GRIA1: variants seen among roughly 807,000 people sequenced by gnomAD.
GRIA1 encodes glutamate receptor 1.
Under a neutral mutation model 99.2 loss-of-function variants are expected in GRIA1, and 31 were observed. The observed-to-expected ratio is 0.31, with a 90% CI of 0.23 to 0.42. The LOEUF (loss-of-function observed/expected upper bound fraction) is 0.42. GRIA1 is among the 10% of genes least tolerant of loss of function. The pLI, the probability that GRIA1 is intolerant of heterozygous loss-of-function variation, is 1.00. For missense variants in GRIA1, 782 were observed against 1,157.5 expected (o/e 0.68, Z 4.71); for synonymous variants, 438 against 432.4 (o/e 1.01, Z -0.16).
At chr5:153,716,535 TC>T (rs1184532023) in intron 11 of GRIA1, among the ~76,000 whole-genome samples, 1 of 152,168 alleles carries the variant, frequency 6.6e-6, no homozygotes, top group African/African-American at 2.4e-5. Context: ...AAGAGCCATC[TC>T]CTGAGGGAGC....
At position 153,675,950 on chromosome 5, in the gene GRIA1, G is replaced by A. The variant is rs559012592; in HGVS notation, c.862-1044G>A. On this transcript the variant is annotated intron_variant, in intron 6 of 15. Coordinates refer to ENST00000285900, the MANE Select transcript of GRIA1 (RefSeq NM_000827.4). ...CGGCTCACTGCAAGCTCCACCTCCC[G>A]AGTTCACGCCATTCTCCTGCCTCAG... Among the ~76,000 whole-genome samples, 414 of 150,922 alleles carry A rather than the reference G, an allele frequency of 2.7e-3. 4 individuals carry two copies. Among genetic ancestry groups the A allele is most frequent in the African/African-American group, 9.3e-3 (383 of 41,062 alleles).
At chr5:153,807,050 A>G (rs1267135394) in intron 15 of GRIA1, among the ~76,000 whole-genome samples, 2 of 152,246 alleles carry the variant, frequency 1.3e-5, no homozygotes, top group African/African-American at 4.8e-5. Flanking sequence ...TCCCAGCCAC[A>G]GTGCTGCTCA....
At chr5:153,728,416 C>G (rs545106988) in intron 11 of GRIA1, among the ~76,000 whole-genome samples, 4 of 144,104 alleles carry the variant, frequency 2.8e-5, no homozygotes, top group African/African-American at 1.0e-4. Flanking sequence ...TTCTGCACAG[C>G]AAAAGAAACT....
intron 2 of GRIA1, among the ~76,000 whole-genome samples, chr5:153,627,135 G>A (rs1767704792): frequency 6.6e-6 from 1 of 152,098 alleles, no homozygotes; most frequent in Non-Finnish European, 1.5e-5. Flanking sequence ...TTTCTTAGTG[G>A]CCAGATAATG....
intron 2 of GRIA1, among the ~76,000 whole-genome samples, chr5:153,642,677 G>A (rs1753859627): frequency 6.6e-6 from 1 of 151,404 alleles, no homozygotes; most frequent in African/African-American, 2.4e-5. Flanking sequence ...GGAAGAAAGA[G>A]AACACCATAT....
At chr5:153,502,874 CAG>C (rs1755142353) in intron 2 of GRIA1, among the ~76,000 whole-genome samples, 1 of 152,166 alleles carries the variant, frequency 6.6e-6, no homozygotes, top group Non-Finnish European at 1.5e-5. Flanking sequence ...GCTATAGGAA[CAG>C]AGACAGCAAA....
intron 2 of GRIA1, among the ~76,000 whole-genome samples, chr5:153,617,040 A>T (rs919674558): frequency 6.6e-6 from 1 of 152,120 alleles, no homozygotes; most frequent in African/African-American, 2.4e-5. Context: ...TTATTATGGA[A>T]ATTTGGGTGA....
chr5:153,613,881 C>T (rs1424418090), intron 2 of GRIA1, among the ~76,000 whole-genome samples: 1 of 152,160 alleles, frequency 6.6e-6, no homozygotes, highest in Non-Finnish European at 1.5e-5. Flanking sequence ...ATTCCAGTGC[C>T]ACGTCCCCCA....
intron 11 of GRIA1, among the ~76,000 whole-genome samples, chr5:153,731,155 G>A (rs1373780545): frequency 5.9e-5 from 9 of 151,824 alleles, no homozygotes; most frequent in Non-Finnish European, 1.0e-4. Context: ...TGTATCATTC[G>A]AACCCTGTGA....
Position 153,704,481 on chromosome 5 carries a change from T to C in GRIA1, c.1453-1216T>C, listed in dbSNP as rs564818080. Reference sequence around the variant, plus strand: ...GGAAAGACAGGAGAACAAGGCATGGTTGGTGATTCCATGTGCTGGGTGCCT... The same window carrying C: ...GGAAAGACAGGAGAACAAGGCATGGCTGGTGATTCCATGTGCTGGGTGCCT... On this transcript the variant is annotated intron_variant, in intron 10 of 15. Transcript: ENST00000285900. 3.0e-4 allele frequency among the ~76,000 whole-genome samples: 46 copies of C among 152,326 alleles called. 1 individual carries two copies. Among genetic ancestry groups the C allele is most frequent in the South Asian group, 2.3e-3 (11 of 4,828 alleles).
intron 8 of GRIA1, among the ~76,000 whole-genome samples, chr5:153,692,473 A>G (rs1158723088): frequency 6.6e-6 from 1 of 152,212 alleles, no homozygotes; most frequent in African/African-American, 2.4e-5. Context: ...ATGAGAGATT[A>G]AAATTTCAGT....
In GRIA1 at chr5:153,545,020, C is replaced by G. The variant is rs1032963498; in HGVS notation, c.220+50955C>G. ...TAGCTTCCTCTTCTGTTATGACATA[C>G]AATACGGTTCTAAGTCTAAATGTTT... On this transcript the variant is annotated intron_variant, in intron 2 of 15. Coordinates refer to ENST00000285900, the MANE Select transcript of GRIA1 (RefSeq NM_000827.4). Among the ~76,000 whole-genome samples, 4 of 152,244 alleles carry G rather than the reference C, an allele frequency of 2.6e-5. 1 individual carries two copies. Among genetic ancestry groups the G allele is most frequent in the Middle Eastern group, 3.4e-3 (1 of 294 alleles).
intron 2 of GRIA1, among the ~76,000 whole-genome samples, chr5:153,515,055 C>T (rs2056789507): frequency 6.6e-6 from 1 of 152,032 alleles, no homozygotes; most frequent in South Asian, 2.1e-4. Flanking sequence ...ATGAAGGTTT[C>T]TCAAAAAATT....
At chr5:153,665,076 C>T (rs776577609) in intron 5 of GRIA1, among the ~76,000 whole-genome samples, 7 of 152,194 alleles carry the variant, frequency 4.6e-5, no homozygotes, top group Non-Finnish European at 8.8e-5. Context: ...CTGACCACAA[C>T]AGTTGGGGCA....
chr5:153,625,491 G>A (rs999606956), intron 2 of GRIA1, among the ~76,000 whole-genome samples: 4 of 152,204 alleles, frequency 2.6e-5, no homozygotes, highest in Non-Finnish European at 4.4e-5. Context: ...ACGGGGCACT[G>A]CAGGGGATAT....
intron 11 of GRIA1, among the ~76,000 whole-genome samples, chr5:153,744,538 C>A (rs1243457541): frequency 4.6e-5 from 7 of 152,252 alleles, no homozygotes. Flanking sequence ...ATTTTCCCTA[C>A]AGAGGAAAGC....
chr5:153,738,484 T>C (rs1401696584), intron 11 of GRIA1, among the ~76,000 whole-genome samples: 3 of 152,096 alleles, frequency 2.0e-5, no homozygotes. Context: ...GAGGAATAAA[T>C]ATAAACATCT....
rs555867849 is a variant in GRIA1, at chr5:153,673,674, A to G, written c.700-826A>G. 4.5e-4 allele frequency among the ~76,000 whole-genome samples: 69 copies of G among 152,346 alleles called. No homozygotes were observed. The Middle Eastern group carries it at 0.014, about 30-fold the overall frequency. ...GCCTCAGTTTCTTTATCTGGCAAAT[A>G]GACATATAATGTTTACCTTAAAAAA... On this transcript the variant is annotated intron_variant, in intron 5 of 15. Coordinates refer to ENST00000285900, the MANE Select transcript of GRIA1 (RefSeq NM_000827.4).
At chr5:153,751,489 G>C (rs1446937286) in intron 11 of GRIA1, among the ~76,000 whole-genome samples, 1 of 152,216 alleles carries the variant, frequency 6.6e-6, no homozygotes, top group Non-Finnish European at 1.5e-5. Flanking sequence ...AGTGTTACTG[G>C]AACACAGCCA....
Sources: allele counts gnomAD v4.1 joint callset (sites outside exome capture counted in the v4.1 genomes callset), GRCh38; gene constraint gnomAD v4.1.1; transcripts MANE v1.5; gene names NCBI Gene and HGNC (gene_info 2026-07-23, HGNC 2026-07-21).